DDC: variants seen among roughly 807,000 people sequenced by gnomAD.
The protein encoded by DDC is aromatic-L-amino-acid decarboxylase.
Under a neutral mutation model 60.0 loss-of-function variants are expected in DDC, and 43 were observed. The observed-to-expected ratio is 0.72, with a 90% CI of 0.56 to 0.92. The LOEUF (loss-of-function observed/expected upper bound fraction) is 0.92. Among genes scored for constraint, DDC ranks in the 40% least tolerant of loss-of-function variants. DDC has a pLI of 0.00. For missense variants in DDC, 573 were observed against 620.2 expected (o/e 0.92, Z 0.81); for synonymous variants, 232 against 234.6 (o/e 0.99, Z 0.10).
chr7:50,522,005 C>T (rs944339917), intron 6 of DDC, among the ~76,000 whole-genome samples: 8 of 151,898 alleles, frequency 5.3e-5, no homozygotes, highest in Non-Finnish European at 1.2e-4. Flanking sequence ...TTGCAGATGA[C>T]ATGGTTATCT....
intron 6 of DDC, among the ~76,000 whole-genome samples, chr7:50,520,626 C>T (rs2153543926): frequency 6.6e-6 from 1 of 152,206 alleles, no homozygotes; most frequent in Middle Eastern, 3.4e-3. Context: ...AATTTAAATG[C>T]AATGTGGCCA....
intron 10 of DDC, chr7:50,477,695 T>C: frequency 2.9e-6 from 1 of 343,558 alleles, no homozygotes; most frequent in African/African-American, 2.2e-5. Flanking sequence ...CTCCACCCCC[T>C]GTTTTATGAG....
chr7:50,473,126 T>C (rs1044241306), intron 11 of DDC, among the ~76,000 whole-genome samples: 2 of 152,100 alleles, frequency 1.3e-5, no homozygotes, highest in African/African-American at 4.8e-5. Context: ...GTAGCTAAAA[T>C]AGCAGCAAAG....
intron 11 of DDC, 108 bp from the exon 12 acceptor site, chr7:50,470,279 T>G: frequency 1.2e-6 from 1 of 827,922 alleles, no homozygotes; most frequent in Non-Finnish European, 2.1e-6. Flanking sequence ...GATTCCCTGG[T>G]GGCCAACCTG....
intron 1 of DDC, among the ~76,000 whole-genome samples, chr7:50,551,529 G>A (rs117077342): frequency 0.013 from 1,925 of 152,170 alleles, 19 homozygotes; most frequent in Non-Finnish European, 0.02. Flanking sequence ...CACCGCGCCC[G>A]GCCCCATTGT....
intron 11 of DDC, among the ~76,000 whole-genome samples, chr7:50,476,250 A>G (rs2042641088): frequency 6.6e-6 from 1 of 152,150 alleles, no homozygotes; most frequent in Non-Finnish European, 1.5e-5. Context: ...CCCACCTGGG[A>G]GCTTTTTCTG....
At chr7:50,538,093 T>C in intron 3 of DDC, 114 bp from the exon 4 acceptor site, 1 of 1,314,184 alleles carries the variant, frequency 7.6e-7, no homozygotes, top group Non-Finnish European at 1.1e-6. Context: ...AATCACCCAA[T>C]CTCAGATGTG....
intron 7 of DDC, among the ~76,000 whole-genome samples, chr7:50,503,655 C>A (rs1585195602): frequency 1.3e-5 from 2 of 152,258 alleles, no homozygotes; most frequent in East Asian, 3.9e-4. Context: ...TATGCACGAC[C>A]CACATATGAA....
chr7:50,506,985 C>T (rs2043416191), intron 6 of DDC, among the ~76,000 whole-genome samples: 1 of 152,222 alleles, frequency 6.6e-6, no homozygotes, highest in Non-Finnish European at 1.5e-5. Context: ...GCAATTTCAT[C>T]TTGACATATA....
intron 6 of DDC, among the ~76,000 whole-genome samples, chr7:50,523,258 A>T (rs564016644): frequency 6.6e-6 from 1 of 152,350 alleles, no homozygotes; most frequent in South Asian, 2.1e-4. Flanking sequence ...TGACCTTAGG[A>T]TTGATGATGA....
chr7:50,500,256 A>G (rs2043219987), intron 7 of DDC, among the ~76,000 whole-genome samples: 1 of 152,040 alleles, frequency 6.6e-6, no homozygotes, highest in Admixed American at 6.6e-5. Flanking sequence ...CATGGTGCTC[A>G]TTGTGCAATG....
At chr7:50,495,233 G>T in intron 9 of DDC, 117 bp downstream of exon 9, 3 of 766,934 alleles carry the variant, frequency 3.9e-6, no homozygotes, top group African/African-American at 1.7e-5. Context: ...TTCAGAAAAG[G>T]CAGCAAGCAG....
intron 6 of DDC, among the ~76,000 whole-genome samples, chr7:50,520,360 T>G (rs2043857171): frequency 6.6e-6 from 1 of 151,942 alleles, no homozygotes; most frequent in Non-Finnish European, 1.5e-5. Flanking sequence ...AAATTAGAAA[T>G]CAATAATAAA....
chr7:50,531,951 T>C (rs1382110305), intron 4 of DDC: 2 of 152,198 alleles, frequency 1.3e-5, no homozygotes, highest in East Asian at 3.8e-4. Context: ...TGTCCTTTCA[T>C]CTTCAGTTTT....
chr7:50,520,913 AAATAAATAAATAAAT>A (rs2043871270), intron 6 of DDC, among the ~76,000 whole-genome samples: 2 of 10,198 alleles, frequency 2.0e-4, no homozygotes, highest in South Asian at 4.7e-3. Context: ...ATAAATAAAT[AAATAAATAAATAAAT>A]AAATAAATAA....
chr7:50,502,816 G>T (rs913769123), intron 7 of DDC, among the ~76,000 whole-genome samples: 1 of 152,258 alleles, frequency 6.6e-6, no homozygotes, highest in African/African-American at 2.4e-5. Context: ...GAATAATCGT[G>T]TGGGGAAATC....
Position 50,467,214 on chromosome 7 carries a change from C to T in DDC, c.1242G>A (p.Lys414=). The change falls in exon 13 of 15, where the codon AAG becomes AAA. Residue 414 remains lysine, a splice_region_variant and synonymous_variant. Transcript: ENST00000444124. The part of the protein sequence containing the change: ...VILGLVCFRL[K]GSNKVNEALL... ...AAGAATGGAATAGATGTAGACAAAC[C>T]TTTAGCCGAAAGCAGACAAGCCCCA... is the stretch of plus-strand genomic sequence containing the variant. 1.9e-6 allele frequency: 3 copies of T among 1,613,274 alleles called. No individual in the cohort carries two copies. The highest frequency in any genetic ancestry group is 2.5e-6 in the Non-Finnish European group (3 of 1,179,260).
chr7:50,552,439 T>C (rs763099782), intron 1 of DDC, among the ~76,000 whole-genome samples: 15 of 152,212 alleles, frequency 9.9e-5, no homozygotes, highest in Non-Finnish European at 1.8e-4. Context: ...TGTGGTGCAT[T>C]GCCTGTGCAC....
At chr7:50,487,426 GT>G (rs1259902339) in intron 9 of DDC, among the ~76,000 whole-genome samples, 1 of 152,040 alleles carries the variant, frequency 6.6e-6, no homozygotes, top group Non-Finnish European at 1.5e-5. Context: ...GCGAGGATGT[GT>G]TTTTTGCTTA....
Sources: gnomAD v4.1 joint callset for allele counts (sites outside exome capture counted in the v4.1 genomes callset) on GRCh38, gnomAD v4.1.1 for gene constraint, MANE v1.5 for transcripts, NCBI Gene and HGNC (gene_info 2026-07-23, HGNC 2026-07-21) for gene names.